The following OXSR1 variants were observed in gnomAD, a reference collection of about 807,000 sequenced individuals.
The protein encoded by OXSR1 is oxidative stress responsive kinase 1.
A neutral mutation model predicts 79.8 loss-of-function variants in OXSR1; 24 were observed. The observed-to-expected ratio is 0.30, with a 90% CI of 0.22 to 0.42. The LOEUF (loss-of-function observed/expected upper bound fraction) is 0.42. Ranked by LOEUF, OXSR1 falls within the 10% of genes least tolerant of loss-of-function variation. OXSR1 has a pLI of 1.00. For synonymous variants in OXSR1, 226 were observed against 209.2 expected (o/e 1.08, Z -0.69); for missense variants, 430 against 618.4 (o/e 0.70, Z 3.23).
chr3:38,195,704 T>C (rs1170187156), intron 3 of OXSR1, among the ~76,000 whole-genome samples: 2 of 152,204 alleles, frequency 1.3e-5, no homozygotes, highest in South Asian at 2.1e-4. Flanking sequence ...TTCAGACTTA[T>C]CAAGTGTCTG....
In OXSR1 at chr3:38,236,965, A is replaced by T; in HGVS notation, c.1074+4A>T. 2 of 1,609,900 alleles carry T rather than the reference A, an allele frequency of 1.2e-6. No homozygotes were observed. Among genetic ancestry groups the T allele is most frequent in the Non-Finnish European group, 1.7e-6 (2 of 1,177,516 alleles). On this transcript the variant is annotated splice_donor_region_variant and intron_variant, in intron 11 of 17. Transcript: ENST00000311806. The stretch of plus-strand genomic sequence containing the variant: ...AGCAGCAATTTCACAACTCAGGGTA[A>T]ATTTTATTAAACTGTGTACTTTAGC...
chr3:38,224,528 AC>A, intron 7 of OXSR1, 42 bp from the exon 8 acceptor site: 2 of 1,504,244 alleles, frequency 1.3e-6, no homozygotes. Context: ...GTTAAACTTT[AC>A]TGAGTCATCA....
intron 11 of OXSR1, 45 bp from the exon 12 acceptor site, chr3:38,242,698 A>G (rs758851543): frequency 3.2e-6 from 4 of 1,267,364 alleles, no homozygotes; most frequent in Non-Finnish European, 4.5e-6. Flanking sequence ...ACTACAAGTA[A>G]CCTGAGTTGT....
At chr3:38,242,176 C>CTTT (rs1413244427) in intron 11 of OXSR1, among the ~76,000 whole-genome samples, 1 of 152,042 alleles carries the variant, frequency 6.6e-6, no homozygotes, top group African/African-American at 2.4e-5. Flanking sequence ...TTTCCACTAC[C>CTTT]TTTATTTTTG....
chr3:38,220,507 G>T (rs1702567314), intron 5 of OXSR1, among the ~76,000 whole-genome samples: 1 of 152,134 alleles, frequency 6.6e-6, no homozygotes, highest in Admixed American at 6.5e-5. Flanking sequence ...AGTTGGATAA[G>T]GTGTGTAAGA....
intron 1 of OXSR1, among the ~76,000 whole-genome samples, chr3:38,177,579 CTCTT>C (rs944623587): frequency 1.2e-4 from 18 of 151,740 alleles, no homozygotes; most frequent in African/African-American, 4.1e-4. Context: ...TCCTTTCGTT[CTCTT>C]TCTTTCTTTT....
intron 2 of OXSR1, among the ~76,000 whole-genome samples, chr3:38,184,939 T>C (rs1701854344): frequency 3.9e-5 from 4 of 102,204 alleles, no homozygotes; most frequent in South Asian, 6.5e-4. Flanking sequence ...TTTTTTTTTT[T>C]TTTTTTTTTT....
At position 38,187,735 on chromosome 3, in the gene OXSR1, T is replaced by G. The variant is rs186775836; in HGVS notation, c.184-2996T>G. On this transcript the variant is annotated intron_variant, in intron 2 of 17. Coordinates refer to ENST00000311806, the MANE Select transcript of OXSR1 (RefSeq NM_005109.3). ...TTCATTAGAAGGGGTGGAATTCACT[T>G]TATTTATTTATTTTATTAATTTATT... 7.9e-3 allele frequency among the ~76,000 whole-genome samples: 1,201 copies of G among 152,136 alleles called. 15 individuals are homozygous for G. Among genetic ancestry groups the G allele is most frequent in the Middle Eastern group, 0.034 (10 of 294 alleles).
chr3:38,229,807 T>C (rs1702768375), intron 9 of OXSR1, 72 bp downstream of exon 9: 1 of 1,146,868 alleles, frequency 8.7e-7, no homozygotes, highest in African/African-American at 1.5e-5. Context: ...TGTTCAGTGC[T>C]TAGAAGTTGG....
At chr3:38,190,865 TA>T in intron 3 of OXSR1, 26 bp downstream of exon 3, 1 of 1,220,742 alleles carries the variant, frequency 8.2e-7, no homozygotes, top group Non-Finnish European at 1.2e-6. Context: ...GGAAATGCTA[TA>T]AGTACCATGG....
intron 3 of OXSR1, among the ~76,000 whole-genome samples, chr3:38,198,035 G>A (rs1702098543): frequency 6.6e-6 from 1 of 152,106 alleles, no homozygotes; most frequent in South Asian, 2.1e-4. Flanking sequence ...TTCAGTTTTG[G>A]TAGTCAGCAC....
chr3:38,244,667 G>GTGTGTGTGTGTGTGTGCA (rs71635865), intron 12 of OXSR1, among the ~76,000 whole-genome samples: 8 of 57,394 alleles, frequency 1.4e-4, no homozygotes, highest in Non-Finnish European at 4.6e-4. Context: ...GTGTGTGTGT[G>GTGTGTGTGTGTGTGTGCA]CGTGCGCATG....
intron 5 of OXSR1, among the ~76,000 whole-genome samples, chr3:38,219,164 G>C (rs916395692): frequency 6.6e-6 from 1 of 152,188 alleles, no homozygotes; most frequent in Admixed American, 6.5e-5. Context: ...TTTGGTAAAG[G>C]GGGTATTATC....
intron 6 of OXSR1, among the ~76,000 whole-genome samples, chr3:38,222,416 G>C (rs1261519597): frequency 1.3e-5 from 2 of 152,090 alleles, no homozygotes; most frequent in African/African-American, 4.8e-5. Flanking sequence ...GCTTCTCAGG[G>C]GCAAGCAGGA....
intron 14 of OXSR1, among the ~76,000 whole-genome samples, chr3:38,248,959 T>C (rs1008137596): frequency 1.3e-5 from 2 of 152,194 alleles, no homozygotes; most frequent in African/African-American, 4.8e-5. Context: ...GGTTGGAAGT[T>C]GATTTGAACT....
In OXSR1 at chr3:38,247,738, T is replaced by C. The variant is rs748901160; in HGVS notation, c.1322+6T>C. On this transcript the variant is annotated splice_donor_region_variant and intron_variant, in intron 14 of 17. Coordinates refer to ENST00000311806, the MANE Select transcript of OXSR1 (RefSeq NM_005109.3). ...AGTCTAGTACTAAGATTAAGGTAAGTAGACATTTTTTGTTTTGTTTTCTTT... is the reference window on the plus strand; with the variant it reads ...AGTCTAGTACTAAGATTAAGGTAAGCAGACATTTTTTGTTTTGTTTTCTTT... 13 of 1,594,866 alleles carry C rather than the reference T, an allele frequency of 8.2e-6. No homozygotes were observed. The highest frequency in any genetic ancestry group is 1.1e-5 in the South Asian group (1 of 90,592).
At chr3:38,204,078 C>A (rs997467700) in intron 4 of OXSR1, among the ~76,000 whole-genome samples, 1 of 152,308 alleles carries the variant, frequency 6.6e-6, no homozygotes, top group East Asian at 1.9e-4. Flanking sequence ...CTTCCCCCCC[C>A]TTTCCACAAG....
intron 11 of OXSR1, among the ~76,000 whole-genome samples, chr3:38,238,050 T>G (rs1304494424): frequency 6.6e-6 from 1 of 152,164 alleles, no homozygotes; most frequent in Non-Finnish European, 1.5e-5. Context: ...CAGTATCTAA[T>G]TATTACTCTC....
chr3:38,192,620 A>T (rs1702004582), intron 3 of OXSR1, among the ~76,000 whole-genome samples: 1 of 152,234 alleles, frequency 6.6e-6, no homozygotes, highest in East Asian at 1.9e-4. Context: ...GTATATATAC[A>T]AGTATTTCTA....
Sources: gnomAD v4.1 joint callset for allele counts (sites outside exome capture counted in the v4.1 genomes callset) on GRCh38, gnomAD v4.1.1 for gene constraint, MANE v1.5 for transcripts, NCBI Gene and HGNC (gene_info 2026-07-23, HGNC 2026-07-21) for gene names.